CCT8: variants seen among roughly 807,000 people sequenced by gnomAD.
CCT8 encodes the protein T-complex protein 1 subunit theta.
Under a neutral mutation model 65.7 loss-of-function variants are expected in CCT8, and 10 were observed. The ratio of observed to expected loss-of-function variants is 0.15; its 90% CI spans 0.09 to 0.26. CCT8 has a LOEUF of 0.26. Ranked by LOEUF, CCT8 falls within the 10% of genes least tolerant of loss-of-function variation. CCT8 has a pLI of 1.00. For missense variants in CCT8, 568 were observed against 669.1 expected (o/e 0.85, Z 1.67); for synonymous variants, 199 against 221.8 (o/e 0.90, Z 0.92).
chr21:29,073,619 A>G lies in CCT8; in HGVS notation c.-29T>C. 2.5e-6 allele frequency: 4 copies of G among 1,611,000 alleles called. No individual in the cohort carries two copies. The highest frequency in any genetic ancestry group is 3.4e-6 in the Non-Finnish European group (4 of 1,177,608). Reference sequence around the variant, plus strand: ...CAGCCTGCAGGAAGCAGTTCACGCGACCGCTCGGAAGACCGCGGAGGAAGC... The same window carrying G: ...CAGCCTGCAGGAAGCAGTTCACGCGGCCGCTCGGAAGACCGCGGAGGAAGC... On this transcript the variant is annotated 5_prime_UTR_variant, in exon 1 of 15. Transcript: ENST00000286788.
At chr21:29,071,995 T>C in intron 1 of CCT8, 2 of 695,604 alleles carry the variant, frequency 2.9e-6, no homozygotes, top group South Asian at 1.5e-5. Context: ...CAACCTGTTG[T>C]TGTTGTTGTT....
At chr21:29,060,690 T>G in intron 13 of CCT8, 30 bp from the exon 14 acceptor site, 1 of 1,611,038 alleles carries the variant, frequency 6.2e-7, no homozygotes, top group Non-Finnish European at 8.5e-7. Context: ...TCCTTTCATT[T>G]AAAATCCTTT....
rs372824667 is a variant in CCT8, at chr21:29,060,526, T to C, written c.1569+15A>G. 9 of 1,612,600 alleles carry C rather than the reference T, an allele frequency of 5.6e-6. No homozygotes were observed. In the African/African-American group the frequency reaches 6.7e-5, roughly 12 times the overall value. ...AAATGAGTATTTTTAAAGATCAAAA[T>C]TTCACTTTGCTCACCTGATCCACTC... On this transcript the variant is annotated intron_variant, in intron 14 of 14. Transcript: ENST00000286788.
rs1432681529 is a variant in CCT8 at position 29,066,757 on chromosome 21, C to T, written c.583G>A (p.Gly195Ser). The change falls in exon 6 of 15, where the codon GGC becomes AGC. Residue 195 changes from glycine (G) to serine (S), a missense_variant. Transcript: ENST00000286788. The part of the protein sequence containing the change: ...QACVSIFPDS[G>S]HFNVDNIRVC... ...CTGATGTTATCAACATTGAAATGGC[C>T]GGAATCAGGAAAAATAGATACTGTT... The T allele has an allele frequency of 3.1e-6, 5 of 1,606,622 alleles. No homozygotes were observed. Among genetic ancestry groups the T allele is most frequent in the Non-Finnish European group, 3.4e-6 (4 of 1,176,670 alleles).
In CCT8 at chr21:29,067,017, A is replaced by C; in HGVS notation, c.436T>G (p.Leu146Val). The change falls in exon 5 of 15, where the codon TTG becomes GTG. Residue 146 changes from leucine (L) to valine (V), a missense_variant. Transcript: ENST00000286788. Reference sequence around the variant, plus strand: ...AGGTTTTTTGCAGAACAACATACCAAATTAGGAAGAATCTCATGAGCTTTT... The same window carrying C: ...AGGTTTTTTGCAGAACAACATACCACATTAGGAAGAATCTCATGAGCTTTT... The part of the protein sequence containing the change: ...CRKAHEILPN[L>V]VCCSAKNLRD... 6.2e-7 allele frequency: 1 copy of C among 1,613,572 alleles called. No homozygotes were observed. The highest frequency in any genetic ancestry group is 1.7e-4 in the Middle Eastern group (1 of 6,054).
At chr21:29,072,256 AT>A (rs1241408080) in intron 1 of CCT8, 1 of 313,784 alleles carries the variant, frequency 3.2e-6, no homozygotes, top group African/African-American at 2.1e-5. Flanking sequence ...TTTCATCATT[AT>A]TTGGAATTCT....
chr21:29,071,832 T>C (rs965358238), intron 1 of CCT8: 1 of 650,786 alleles, frequency 1.5e-6, no homozygotes, highest in Non-Finnish European at 2.8e-6. Context: ...ATCCCCTCAT[T>C]CCCATACTTA....
At chr21:29,061,077 A>G (rs1295065129) in intron 13 of CCT8, among the ~76,000 whole-genome samples, 176 bp downstream of exon 13, 1 of 152,228 alleles carries the variant, frequency 6.6e-6, no homozygotes, top group Non-Finnish European at 1.5e-5. Flanking sequence ...GACTATCAAT[A>G]AAACAGAAGG....
Position 29,066,933 on chromosome 21 carries a change from C to T in CCT8, c.520G>A (p.Gly174Ser). The T allele has an allele frequency of 6.2e-7, 1 of 1,612,554 alleles. No homozygotes were observed. The highest frequency in any genetic ancestry group is 8.5e-7 in the Non-Finnish European group (1 of 1,179,086). ...AGCTTGGCCAGAAATACTTCATTAC[C>T]ATATTGTTTACTCATTATGGAGGTA... ...LRTSIMSKQY[G>S]NEVFLAKLIA... is the part of the protein sequence containing the mutation. The change falls in exon 5 of 15, where the codon GGT becomes AGT. Residue 174 changes from glycine (G) to serine (S), a missense_variant. Physicochemically the swap from Gly to Ser is moderately conservative, Grantham distance 56. Coordinates refer to ENST00000286788, the MANE Select transcript of CCT8 (RefSeq NM_006585.4).
At chr21:29,067,741 TC>T (rs2085639864) in intron 3 of CCT8, 36 bp from the exon 4 acceptor site, 2 of 1,322,066 alleles carry the variant, frequency 1.5e-6, no homozygotes, top group African/African-American at 3.0e-5. Flanking sequence ...AAACATCTGA[TC>T]CTTAAAGCAA....
chr21:29,063,442 G>A lies in CCT8; in HGVS notation c.851C>T (p.Ala284Val). ...TACTACGACATTTGCACCAGTATCAGCAATAGCTTTGACTTGTGCATCCAT... is the reference window on the plus strand; with the variant it reads ...TACTACGACATTTGCACCAGTATCAACAATAGCTTTGACTTGTGCATCCAT... ...NLMDAQVKAI[A>V]DTGANVVVTG... The change falls in exon 8 of 15, where the codon GCT becomes GTT. Residue 284 changes from alanine to valine, a missense_variant. Transcript: ENST00000286788. The A allele has an allele frequency of 6.2e-7, 1 of 1,614,014 alleles. No homozygotes were observed. Among genetic ancestry groups the A allele is most frequent in the Non-Finnish European group, 8.5e-7 (1 of 1,179,918 alleles).
Position 29,067,118 on chromosome 21 carries a change from T to TTTGG in CCT8, c.382-48_382-47insCCAA, listed in dbSNP as rs201421987. ...CTATTCTGACATGACTTAAAGTAGC[T>TTTGG]TATTTTGGTAACCCAATGCATATGG... On this transcript the variant is annotated intron_variant, in intron 4 of 14. Transcript: ENST00000286788. 1,660 of 1,437,414 alleles carry TTTGG rather than the reference T, an allele frequency of 1.2e-3. 32 individuals are homozygous for TTTGG. In the East Asian group the frequency reaches 0.033, roughly 28 times the overall value. 89.0% of individuals were successfully genotyped at this position (1,437,414 alleles called of 1,614,324 possible).
In CCT8 at chr21:29,067,835, T is replaced by C. The variant is rs191547330; in HGVS notation, c.232-130A>G. On this transcript the variant is annotated intron_variant, in intron 3 of 14. Coordinates refer to ENST00000286788, the MANE Select transcript of CCT8 (RefSeq NM_006585.4). ...ACTCCATCTGATCACACTGCTACAC[T>C]GCTATACGCTACTTATAGTGTGGTC... 1,666 of 537,126 alleles carry C rather than the reference T, an allele frequency of 3.1e-3. 2 individuals carry two copies. The highest frequency in any genetic ancestry group is 3.3e-3 in the Non-Finnish European group (1,105 of 335,300). 33.3% of individuals were successfully genotyped at this position (537,126 alleles called of 1,614,324 possible). A position where few individuals can be genotyped will look rare whatever the true frequency, so the allele number is the denominator to read the frequency against.
At chr21:29,070,205 A>G (rs373410134) in intron 2 of CCT8, 42 bp downstream of exon 2, 58 of 1,235,126 alleles carry the variant, frequency 4.7e-5, no homozygotes, top group Non-Finnish European at 6.4e-5. Flanking sequence ...AGTACACAAT[A>G]TTCTACTACT....
rs34932631 is a variant in CCT8, at chr21:29,061,983, G to C, written c.1212+145C>G. 1.8e-3 allele frequency: 1,147 copies of C among 627,808 alleles called. 11 individuals carry two copies. The highest frequency in any genetic ancestry group is 0.017 in the Admixed American group (572 of 34,088). The allele number at this position is 627,808 out of a possible 1,614,324, so 38.9% of individuals were successfully genotyped here. On this transcript the variant is annotated intron_variant, in intron 11 of 14. Coordinates refer to ENST00000286788, the MANE Select transcript of CCT8 (RefSeq NM_006585.4). ...ACTAACAATGGACACTTAAGTCTTA[G>C]GTAAAAACAAAAACAGGTGCTTCAT...
At chr21:29,070,137 C>T (rs752670082) in intron 2 of CCT8, 110 bp downstream of exon 2, 298 of 555,830 alleles carry the variant, frequency 5.4e-4, no homozygotes, top group Non-Finnish European at 8.3e-4. Flanking sequence ...ATTGAGCTAT[C>T]AAATTAACTT....
intron 2 of CCT8, 116 bp from the exon 3 acceptor site, chr21:29,069,618 T>C: frequency 1.7e-6 from 1 of 585,976 alleles, no homozygotes; most frequent in Non-Finnish European, 2.9e-6. Context: ...AAAAAGAGCT[T>C]TGCAAGAAAA....
chr21:29,066,658 AAAAAAGCACAC>A, intron 6 of CCT8, 47 bp downstream of exon 6: 7 of 1,179,348 alleles, frequency 5.9e-6, no homozygotes, highest in Non-Finnish European at 8.4e-6. Context: ...CAAAAAAACA[AAAAAAGCACAC>A]AAAAAAACTG....
rs1411460666 is a variant in CCT8, at chr21:29,063,410, C to G, written c.883G>C (p.Gly295Arg). 1 of 1,614,018 alleles carries G rather than the reference C, an allele frequency of 6.2e-7. No homozygotes were observed. Among genetic ancestry groups the G allele is most frequent in the East Asian group, 2.2e-5 (1 of 44,874 alleles). Residue 295 changes from glycine (G) to arginine (R), a missense_variant, in exon 8 of 15, where the codon GGC becomes CGC. Gly to Arg is a moderately radical substitution (Grantham distance 125). Coordinates refer to ENST00000286788, the MANE Select transcript of CCT8 (RefSeq NM_006585.4). ...DTGANVVVTG[G>R]KVADMALHYA... is the part of the protein sequence containing the mutation. ...TGAAGAGCCATGTCTGCCACTTTGCCACCTGTTACTACGACATTTGCACCA... is the reference window on the plus strand; with the variant it reads ...TGAAGAGCCATGTCTGCCACTTTGCGACCTGTTACTACGACATTTGCACCA...
Sources: allele counts gnomAD v4.1 joint callset (sites outside exome capture counted in the v4.1 genomes callset), GRCh38; gene constraint gnomAD v4.1.1; transcripts MANE v1.5; gene names NCBI Gene and HGNC (gene_info 2026-07-23, HGNC 2026-07-21).